Variants in ANKRD62 observed in about 807,000 individuals in gnomAD.
ANKRD62 encodes ankyrin repeat domain-containing protein 62.
A neutral mutation model predicts 98.8 loss-of-function variants in ANKRD62; 61 were observed. The observed-to-expected ratio is 0.62, with a 90% CI of 0.50 to 0.76. The LOEUF is 0.76. Among genes scored for constraint, ANKRD62 ranks in the 30% least tolerant of loss-of-function variants. ANKRD62 has a pLI of 0.00. For synonymous variants in ANKRD62, 341 were observed against 367.9 expected (o/e 0.93, Z 0.84); for missense variants, 933 against 1,082.9 (o/e 0.86, Z 1.94).
At chr18:12,163,142 C>A in the ANKRD62 span, among the ~76,000 whole-genome samples, 4 of 152,042 alleles carry the variant, frequency 2.6e-5, no homozygotes, top group East Asian at 7.7e-4. Flanking sequence ...TCTTCCAATT[C>A]AAGAACATTA....
chr18:12,126,099 C>G lies in ANKRD62; in HGVS notation c.2278C>G (p.Pro760Ala), dbSNP rs1357077810. Reference sequence around the variant, plus strand: ...TGAACACATGTACCAAAATGACCAACCTATTTTGGAAAAATACGTGAGAAA... The same window carrying G: ...TGAACACATGTACCAAAATGACCAAGCTATTTTGGAAAAATACGTGAGAAA... ...DIEHMYQNDQ[P>A]ILEKYVRKQQ... is the part of the protein sequence containing the mutation. The change falls in exon 13 of 14, where the codon CCT becomes GCT. Residue 760 changes from proline to alanine, a missense_variant. Physicochemically the swap from Pro to Ala is conservative, Grantham distance 27. Coordinates refer to ENST00000587848, the MANE Select transcript of ANKRD62 (RefSeq NM_001277333.2). 2 of 1,535,990 alleles carry G rather than the reference C, an allele frequency of 1.3e-6. No individual in the cohort carries two copies. The highest frequency in any genetic ancestry group is 2.0e-5 in the Admixed American group (1 of 50,960).
the ANKRD62 span, among the ~76,000 whole-genome samples, chr18:12,163,293 T>C: frequency 6.6e-6 from 1 of 152,124 alleles, no homozygotes; most frequent in Admixed American, 6.5e-5. Flanking sequence ...TTTGGTTTCT[T>C]TTTCAGATTG....
chr18:12,115,393 G>A lies in ANKRD62; in HGVS notation c.1099G>A (p.Val367Ile). 6.5e-7 allele frequency: 1 copy of A among 1,531,948 alleles called. No individual in the cohort carries two copies. Among genetic ancestry groups the A allele is most frequent in the Non-Finnish European group, 8.7e-7 (1 of 1,144,398 alleles). The allele number at this position is 1,531,948 out of a possible 1,614,324, so 94.9% of individuals were successfully genotyped here. A position where few individuals can be genotyped will look rare whatever the true frequency, so the allele number is the denominator to read the frequency against. ...ARKTSNEKSK[V>I]KSQIYFTDDL... ...TGAAACAGTGTTATTTATTTTATAG[G>A]TTAAAAGCCAAATATATTTCACGGA... Residue 367 changes from valine (V) to isoleucine (I), a missense_variant and splice_region_variant, in exon 10 of 14, where the codon GTT becomes ATT. Coordinates refer to ENST00000587848, the MANE Select transcript of ANKRD62 (RefSeq NM_001277333.2).
intron 6 of ANKRD62, among the ~76,000 whole-genome samples, chr18:12,101,564 ACT>A (rs780939003): frequency 6.6e-5 from 10 of 152,058 alleles, no homozygotes; most frequent in East Asian, 1.9e-4. Flanking sequence ...AAAACTGAAC[ACT>A]CTCTAATTTT....
chr18:12,104,946 C>A (rs1909381530), intron 7 of ANKRD62, among the ~76,000 whole-genome samples: 1 of 151,976 alleles, frequency 6.6e-6, no homozygotes, highest in Admixed American at 6.6e-5. Flanking sequence ...TTAACATAGA[C>A]TGGGAGAATT....
At position 12,122,311 on chromosome 18, in the gene ANKRD62, A is replaced by G. The variant is rs1909797940; in HGVS notation, c.1249A>G (p.Ser417Gly). The change falls in exon 11 of 14, where the codon AGC (serine) becomes GGC (glycine). Residue 417 changes from serine to glycine, a missense_variant. Transcript: ENST00000587848. Reference protein sequence around the residue: ...QSGMECKDFVSLSKSKNATAA... With the variant: ...QSGMECKDFVGLSKSKNATAA... ...TCTTCTCCTGGTAACAGATTTTGTTAGCCTATCGAAAAGCAAGAATGCAAC... is the reference window on the plus strand; with the variant it reads ...TCTTCTCCTGGTAACAGATTTTGTTGGCCTATCGAAAAGCAAGAATGCAAC... 6.5e-7 allele frequency: 1 copy of G among 1,533,494 alleles called. No homozygotes were observed. The highest frequency in any genetic ancestry group is 2.0e-5 in the Admixed American group (1 of 50,440). 95.0% of individuals were successfully genotyped at this position (1,533,494 alleles called of 1,614,324 possible).
At chr18:12,174,045 T>A in the ANKRD62 span, among the ~76,000 whole-genome samples, 1 of 152,232 alleles carries the variant, frequency 6.6e-6, no homozygotes, top group African/African-American at 2.4e-5. Context: ...CTTCTCTAGC[T>A]AGGTTGGGGA....
chr18:12,139,090 T>C, the ANKRD62 span, among the ~76,000 whole-genome samples: 1 of 152,180 alleles, frequency 6.6e-6, no homozygotes, highest in Non-Finnish European at 1.5e-5. Flanking sequence ...GTCATTATGA[T>C]GTTAGCTGGT....
chr18:12,117,249 A>C (rs1909683869), intron 10 of ANKRD62, among the ~76,000 whole-genome samples: 1 of 152,108 alleles, frequency 6.6e-6, no homozygotes, highest in African/African-American at 2.4e-5. Flanking sequence ...CTTGTGGCAA[A>C]AGGGGTCTCT....
the ANKRD62 span, among the ~76,000 whole-genome samples, chr18:12,169,690 G>A: frequency 6.6e-6 from 1 of 152,050 alleles, no homozygotes; most frequent in Non-Finnish European, 1.5e-5. Flanking sequence ...ATTGATAGGG[G>A]TAGTTTCAGA....
chr18:12,155,722 T>TACC, the ANKRD62 span, among the ~76,000 whole-genome samples: 1 of 152,208 alleles, frequency 6.6e-6, no homozygotes, highest in Non-Finnish European at 1.5e-5. Flanking sequence ...TCCTAGTATA[T>TACC]TCTACCTAAT....
chr18:12,120,115 A>C (rs1909752998), intron 10 of ANKRD62, among the ~76,000 whole-genome samples: 1 of 152,104 alleles, frequency 6.6e-6, no homozygotes, highest in South Asian at 2.1e-4. Flanking sequence ...GTATGGCCTA[A>C]AATATTGTCT....
downstream of ANKRD62, among the ~76,000 whole-genome samples, chr18:12,133,594 A>G (rs1211947818): frequency 2.0e-5 from 3 of 152,116 alleles, no homozygotes; most frequent in Admixed American, 1.3e-4. Context: ...GTGAAGTGGT[A>G]CCTCATTGTG....
In ANKRD62 at chr18:12,093,865, C is replaced by T. The variant is rs1297568744; in HGVS notation, c.-153C>T. On this transcript the variant is annotated 5_prime_UTR_variant, in exon 1 of 14. Coordinates refer to ENST00000587848, the MANE Select transcript of ANKRD62 (RefSeq NM_001277333.2). ...AACGGCTCTGCTGGGCTAGGTGCTCCTCCGAGCAGCTGGAGACTGGAGTGT... is the reference window on the plus strand; with the variant it reads ...AACGGCTCTGCTGGGCTAGGTGCTCTTCCGAGCAGCTGGAGACTGGAGTGT... The T allele has an allele frequency of 4.2e-6, 3 of 707,958 alleles. No homozygotes were observed. In the African/African-American group the frequency reaches 5.3e-5, roughly 12 times the overall value. The allele number at this position is 707,958 out of a possible 1,614,324, so 43.9% of individuals were successfully genotyped here.
the ANKRD62 span, among the ~76,000 whole-genome samples, chr18:12,140,080 G>A: frequency 3.9e-5 from 6 of 152,016 alleles, no homozygotes; most frequent in South Asian, 2.1e-4. Flanking sequence ...TTTTCTTCAC[G>A]CTTCATATCA....
intron 10 of ANKRD62, among the ~76,000 whole-genome samples, chr18:12,121,125 G>A (rs997367827): frequency 2.6e-5 from 4 of 152,272 alleles, no homozygotes; most frequent in East Asian, 1.9e-4. Flanking sequence ...CTCCACTGTA[G>A]TTTTTACCTC....
rs912768375 is a variant in ANKRD62, at chr18:12,129,019, A to C, written c.*1080A>C. 6.6e-6 allele frequency: 1 copy of C among 152,070 alleles called. No homozygotes were observed. Among genetic ancestry groups the C allele is most frequent in the African/African-American group, 2.4e-5 (1 of 41,398 alleles). The allele number at this position is 152,070 out of a possible 1,614,324, so 9.4% of individuals were successfully genotyped here. A position where few individuals can be genotyped will look rare whatever the true frequency, so the allele number is the denominator to read the frequency against. On this transcript the variant is annotated 3_prime_UTR_variant, in exon 14 of 14. Coordinates refer to ENST00000587848, the MANE Select transcript of ANKRD62 (RefSeq NM_001277333.2). Reference sequence around the variant, plus strand: ...GGGGTGGAAGTTGCGGTGAGCCAAGATGGTGCCACTGCACTCCAGCCTGGG... The same window carrying C: ...GGGGTGGAAGTTGCGGTGAGCCAAGCTGGTGCCACTGCACTCCAGCCTGGG...
At chr18:12,174,908 C>T in the ANKRD62 span, among the ~76,000 whole-genome samples, 1 of 152,266 alleles carries the variant, frequency 6.6e-6, no homozygotes, top group Non-Finnish European at 1.5e-5. Context: ...GGTCACTACA[C>T]TCCAATGGGT....
the ANKRD62 span, among the ~76,000 whole-genome samples, chr18:12,159,021 GA>G: frequency 6.6e-6 from 1 of 152,080 alleles, no homozygotes; most frequent in Non-Finnish European, 1.5e-5. Context: ...ACCTGTGATG[GA>G]AAAAGTTTAA....
Sources: gnomAD v4.1 joint callset for allele counts (sites outside exome capture counted in the v4.1 genomes callset) on GRCh38, gnomAD v4.1.1 for gene constraint, MANE v1.5 for transcripts, NCBI Gene and HGNC (gene_info 2026-07-23, HGNC 2026-07-21) for gene names.